NTSR2: variants seen among roughly 807,000 people sequenced by gnomAD.
NTSR2 encodes the protein neurotensin receptor type 2.
Under a neutral mutation model 24.1 loss-of-function variants are expected in NTSR2, and 22 were observed. The observed-to-expected ratio is 0.91, with a 90% CI of 0.65 to 1.30. The LOEUF (loss-of-function observed/expected upper bound fraction) is 1.30, where lower values mean the gene tolerates loss of function less well. Ranked by LOEUF, NTSR2 falls within the 50% of genes most tolerant of loss-of-function variation. The pLI is 0.00. For synonymous variants in NTSR2, 291 were observed against 267.0 expected, an observed-to-expected ratio of 1.09 and a Z score of -0.88; for missense variants, 570 against 570.4, an observed-to-expected ratio of 1.00 and a Z score of 0.01.
At position 11,662,178 on chromosome 2, in the gene NTSR2, T is replaced by C. The variant is rs142388630; in HGVS notation, c.687A>G (p.Thr229=). The stretch of plus-strand genomic sequence containing the variant: ...AGCAGAGGGCCAGCAGGTGGCTCAC[T>C]GTGACCCCATTCAGGAAAGCAGTTA... ...LALTAFLNGV[T]VSHLLALCSQ... Residue 229 remains threonine (T), a synonymous_variant, in exon 2 of 4, where the codon ACA becomes ACG. Transcript: ENST00000306928. 42 of 1,585,176 alleles carry C rather than the reference T, an allele frequency of 2.6e-5. No homozygotes were observed. The African/African-American group carries it at 4.2e-4, about 16-fold the overall frequency.
At chr2:11,658,795 T>G in intron 3 of NTSR2, 73 bp from the exon 4 acceptor site, 1 of 1,537,066 alleles carries the variant, frequency 6.5e-7, no homozygotes, top group Non-Finnish European at 8.9e-7. Context: ...TACTGGAGAA[T>G]GCCTCTCCTC....
chr2:11,669,381 C>T (rs1239671794), intron 1 of NTSR2, 125 bp downstream of exon 1: 15 of 878,314 alleles, frequency 1.7e-5, no homozygotes, highest in Non-Finnish European at 2.2e-5. Context: ...CAACAAGACC[C>T]AACTTGCTGG....
chr2:11,668,088 GCCGTGGA>G lies in NTSR2; in HGVS notation c.624+1411_624+1417del, dbSNP rs1481034525. On this transcript the variant is annotated intron_variant, in intron 1 of 3. Transcript: ENST00000306928. ...ATGCTCAATATCTGGAAGGATTCTG[GCCGTGGA>G]AAGTCCCTCTCCCCTCCACAATGTT... 5.3e-5 allele frequency among the ~76,000 whole-genome samples: 8 copies of G among 152,274 alleles called. No individual in the cohort carries two copies. In the East Asian group the frequency reaches 1.5e-3, roughly 29 times the overall value.
chr2:11,661,888 T>C, intron 2 of NTSR2, 79 bp downstream of exon 2: 1 of 1,368,132 alleles, frequency 7.3e-7, no homozygotes, highest in East Asian at 2.5e-5. Context: ...CTTGCTGAGG[T>C]CACCCGGCCA....
In NTSR2 at chr2:11,660,127, A is replaced by G; in HGVS notation, c.905T>C (p.Ile302Thr). 2 of 1,613,270 alleles carry G rather than the reference A, an allele frequency of 1.2e-6. No homozygotes were observed. Among genetic ancestry groups the G allele is most frequent in the Non-Finnish European group, 1.7e-6 (2 of 1,179,748 alleles). Residue 302 changes from isoleucine (I) to threonine (T), a missense_variant, in exon 3 of 4, where the codon ATC (isoleucine) becomes ACC (threonine). Coordinates refer to ENST00000306928, the MANE Select transcript of NTSR2 (RefSeq NM_012344.4). The stretch of plus-strand genomic sequence containing the variant: ...CCAGCAGATGACATACATGACCACG[A>G]TGGCTCCTGCAGAGCATTGGAAAGG... ...LQRSVQVLRA[I>T]VVMYVICWLP...
At chr2:11,663,189 A>G (rs781535191) in intron 1 of NTSR2, among the ~76,000 whole-genome samples, 5 of 152,182 alleles carry the variant, frequency 3.3e-5, no homozygotes, top group Non-Finnish European at 5.9e-5. Context: ...CTCAGGTCTC[A>G]GGAGATTAAA....
intron 1 of NTSR2, 46 bp downstream of exon 1, chr2:11,669,460 G>GGGGGGGGGGGGGGGGGGGCCCCCCCCCCC: frequency 3.9e-6 from 1 of 254,726 alleles, no homozygotes; most frequent in Non-Finnish European, 6.9e-6. Flanking sequence ...TCCCAGCACC[G>GGGGGGGGGGGGGGGGGGGCCCCCCCCCCC]CCCCCCCACC....
intron 1 of NTSR2, 48 bp downstream of exon 1, chr2:11,669,458 C>CCGGGGG: frequency 6.2e-6 from 2 of 323,366 alleles, no homozygotes; most frequent in Non-Finnish European, 1.1e-5. Context: ...CCTCCCAGCA[C>CCGGGGG]CGCCCCCCCA....
Position 11,669,888 on chromosome 2 carries a change from A to C in NTSR2, c.242T>G (p.Leu81Arg), listed in dbSNP as rs1174281764. ...CACCGGCACGCCGACCAGCAGCAGC[A>C]GCAGGCCCGCGAGCGCCAGGCTGAG... ...HVLSLALAGL[L>R]LLLVGVPVEL... Residue 81 changes from leucine to arginine, a missense_variant, in exon 1 of 4, where the codon CTG becomes CGG. Physicochemically the swap from Leu to Arg is moderately radical, Grantham distance 102 (BLOSUM62 -2). Transcript: ENST00000306928. 1.3e-6 allele frequency: 2 copies of C among 1,580,748 alleles called. No homozygotes were observed. The highest frequency in any genetic ancestry group is 2.3e-5 in the South Asian group (2 of 87,728).
intron 3 of NTSR2, among the ~76,000 whole-genome samples, 156 bp downstream of exon 3, chr2:11,659,886 AG>A (rs1277667952): frequency 6.6e-6 from 1 of 152,176 alleles, no homozygotes; most frequent in Non-Finnish European, 1.5e-5. Flanking sequence ...CCTGGCTGGG[AG>A]ATTTCAAGGC....
chr2:11,658,560 C>T lies in NTSR2; in HGVS notation c.1152G>A (p.Lys384=). 2 of 1,614,190 alleles carry T rather than the reference C, an allele frequency of 1.2e-6. No homozygotes were observed. The highest frequency in any genetic ancestry group is 1.3e-5 in the African/African-American group (1 of 75,040). Reference sequence around the variant, plus strand: ...GACTCTGGGGCTTCGGGGGTAACCGCTTCATGGGGTGGTGCTCTCCACACA... The same window carrying T: ...GACTCTGGGGCTTCGGGGGTAACCGTTTCATGGGGTGGTGCTCTCCACACA... ...SSLCGEHHPM[K]RLPPKPQSPT... Residue 384 remains lysine (K), a synonymous_variant, in exon 4 of 4, where the codon AAG becomes AAA. Coordinates refer to ENST00000306928, the MANE Select transcript of NTSR2 (RefSeq NM_012344.4).
At chr2:11,666,227 T>C (rs1315622946) in intron 1 of NTSR2, among the ~76,000 whole-genome samples, 3 of 152,112 alleles carry the variant, frequency 2.0e-5, no homozygotes, top group Non-Finnish European at 4.4e-5. Context: ...TCCTTGCCAG[T>C]CCTTCCAGCT....
chr2:11,667,643 C>A (rs535566583), intron 1 of NTSR2, among the ~76,000 whole-genome samples: 1 of 152,302 alleles, frequency 6.6e-6, no homozygotes, highest in African/African-American at 2.4e-5. Context: ...CTGCACCGAG[C>A]CTTATAAACT....
chr2:11,662,145 C>T lies in NTSR2; in HGVS notation c.720G>A (p.Val240=). Residue 240 remains valine (V), a synonymous_variant, in exon 2 of 4, where the codon GTG becomes GTA. Transcript: ENST00000306928. ...AGCTGCCCGGGGTAGAAGTGGACGG[C>T]ACTTGGGAGCAGAGGGCCAGCAGGT... is the stretch of plus-strand genomic sequence containing the variant. ...VSHLLALCSQ[V]PSTSTPGSST... 1 of 1,604,534 alleles carries T rather than the reference C, an allele frequency of 6.2e-7. No individual in the cohort carries two copies.
rs374173549 is a variant in NTSR2, at chr2:11,658,496, G to T, written c.1216C>A (p.Pro406Thr). 4.7e-5 allele frequency: 75 copies of T among 1,604,558 alleles called. No individual in the cohort carries two copies. The highest frequency in any genetic ancestry group is 5.8e-5 in the Non-Finnish European group (68 of 1,174,732). Residue 406 changes from proline (P) to threonine (T), a missense_variant, in exon 4 of 4, where the codon CCA becomes ACA. Coordinates refer to ENST00000306928, the MANE Select transcript of NTSR2 (RefSeq NM_012344.4). ...MDTASGFGDP[P>T]ETRT ...CATTACATTCAGGTCCGGGTTTCTG[G>T]GGGATCCCCAAAGCCTGAAGCTGTA...
chr2:11,665,526 A>C (rs1184160431), intron 1 of NTSR2: 1 of 151,476 alleles, frequency 6.6e-6, no homozygotes, highest in Non-Finnish European at 1.5e-5. Flanking sequence ...GTGAACAAAA[A>C]AATAGAGTGC....
At chr2:11,669,460 G>GGGGGGGGGGGGGGC in intron 1 of NTSR2, 46 bp downstream of exon 1, 28 of 254,710 alleles carry the variant, frequency 1.1e-4, no homozygotes, top group East Asian at 2.7e-4. Context: ...TCCCAGCACC[G>GGGGGGGGGGGGGGC]CCCCCCCACC....
chr2:11,659,889 T>A (rs1490905154), intron 3 of NTSR2, among the ~76,000 whole-genome samples, 154 bp downstream of exon 3: 1 of 151,954 alleles, frequency 6.6e-6, no homozygotes, highest in East Asian at 1.9e-4. Flanking sequence ...GGCTGGGAGA[T>A]TTCAAGGCAC....
chr2:11,669,829 AGGG>A lies in NTSR2; in HGVS notation c.298_300del (p.Pro100del), dbSNP rs751371456. ...CGGCAGCCCAGGTCGCCGAAGACCC[AGGG>A]GTAGTGGAACCACACGAAGCTGTAG... On this transcript the variant is annotated inframe_deletion, in exon 1 of 4. Coordinates refer to ENST00000306928, the MANE Select transcript of NTSR2 (RefSeq NM_012344.4). 1 of 1,580,148 alleles carries A rather than the reference AGGG, an allele frequency of 6.3e-7. No individual in the cohort carries two copies. The highest frequency in any genetic ancestry group is 2.3e-5 in the East Asian group (1 of 43,948).
Sources: gnomAD v4.1 joint callset for allele counts (sites outside exome capture counted in the v4.1 genomes callset) on GRCh38, gnomAD v4.1.1 for gene constraint, MANE v1.5 for transcripts, NCBI Gene and HGNC (gene_info 2026-07-23, HGNC 2026-07-21) for gene names.